The following DNAH14 variants were observed in gnomAD, a reference collection of about 807,000 sequenced individuals.
The protein encoded by DNAH14 is axonemal beta dynein heavy chain 14.
In DNAH14, 478 loss-of-function variants were observed where a neutral mutation model predicts 520.9. That is an observed-to-expected ratio of 0.92 (90% CI 0.85 to 0.99). The LOEUF (loss-of-function observed/expected upper bound fraction) is 0.99, where lower values mean the gene tolerates loss of function less well. DNAH14 is among the 50% of genes least tolerant of loss of function. The pLI, the probability that DNAH14 is intolerant of heterozygous loss-of-function variation, is 0.00. For missense variants in DNAH14, 4,831 were observed against 5,234.5 expected (o/e 0.92, Z 2.38); for synonymous variants, 1,581 against 1,757.2 (o/e 0.90, Z 2.51).
intron 69 of DNAH14, among the ~76,000 whole-genome samples, chr1:225,341,764 C>T (rs923649399): frequency 6.6e-6 from 1 of 152,190 alleles, no homozygotes; most frequent in African/African-American, 2.4e-5. Flanking sequence ...TTTACTGCAT[C>T]TAAACTTAAA....
chr1:225,380,965 GT>G (rs2095773950), intron 80 of DNAH14, among the ~76,000 whole-genome samples: 1 of 152,084 alleles, frequency 6.6e-6, no homozygotes, highest in Non-Finnish European at 1.5e-5. Flanking sequence ...CCCACCATTT[GT>G]TTTTGTACAG....
At position 225,082,747 on chromosome 1, in the gene DNAH14, A is replaced by C; in HGVS notation, c.3327+8A>C. The stretch of plus-strand genomic sequence containing the variant: ...AATCTTCTAGCTCTCAAGGTAAATA[A>C]AAATGGTTTTTTAAAAAAATAGGTT... On this transcript the variant is annotated splice_region_variant and intron_variant, in intron 20 of 85. Transcript: ENST00000682510. 6.5e-7 allele frequency: 1 copy of C among 1,533,500 alleles called. No homozygotes were observed. Among genetic ancestry groups the C allele is most frequent in the East Asian group, 2.5e-5 (1 of 40,680 alleles). 95.0% of individuals were successfully genotyped at this position (1,533,500 alleles called of 1,614,324 possible). A position where few individuals can be genotyped will look rare whatever the true frequency, so the allele number is the denominator to read the frequency against.
intron 1 of DNAH14, among the ~76,000 whole-genome samples, chr1:224,930,722 G>A (rs992706189): frequency 1.3e-5 from 2 of 151,864 alleles, no homozygotes; most frequent in Admixed American, 6.6e-5. Context: ...CTCAGCCTCC[G>A]GAGTAGCTGG....
intron 21 of DNAH14, among the ~76,000 whole-genome samples, chr1:225,093,779 G>A (rs1417229029): frequency 2.0e-5 from 3 of 152,094 alleles, no homozygotes; most frequent in African/African-American, 7.2e-5. Flanking sequence ...AACAACTTCA[G>A]CAAAGTTTCA....
intron 81 of DNAH14, among the ~76,000 whole-genome samples, chr1:225,386,636 C>T (rs2095845098): frequency 6.6e-6 from 1 of 152,214 alleles, no homozygotes; most frequent in African/African-American, 2.4e-5. Context: ...AAAAAATGCT[C>T]ATCATCACTG....
In DNAH14 at chr1:225,159,581, A is replaced by G. The variant is rs16844396; in HGVS notation, c.5445+96A>G. The G allele has an allele frequency of 7.2e-4, 895 of 1,249,958 alleles. 5 individuals carry two copies. The African/African-American group carries it at 0.013, about 18-fold the overall frequency. The allele number at this position is 1,249,958 out of a possible 1,614,324, so 77.4% of individuals were successfully genotyped here. A position where few individuals can be genotyped will look rare whatever the true frequency, so the allele number is the denominator to read the frequency against. ...TTAAAAATATTACAGTTCTTCCTAA[A>G]TTCTTTATTCATGTTATAATTGAGG... On this transcript the variant is annotated intron_variant, in intron 35 of 85. Coordinates refer to ENST00000682510, the MANE Select transcript of DNAH14 (RefSeq NM_001367479.1).
chr1:225,321,942 G>A (rs2094561527), intron 61 of DNAH14, among the ~76,000 whole-genome samples: 1 of 152,040 alleles, frequency 6.6e-6, no homozygotes, highest in Non-Finnish European at 1.5e-5. Context: ...CTTAAGTCAC[G>A]AGAATAGGGC....
chr1:225,381,556 A>G lies in DNAH14; in HGVS notation c.13054A>G (p.Met4352Val). The stretch of plus-strand genomic sequence containing the variant: ...GGAAATATTTAACTCTTTTCTTAAT[A>G]TGAGAGTGCCTACATTGTGGCAGGT... Reference protein sequence around the residue: ...LEEIFNSFLNMRVPTLWQKHA... With the variant: ...LEEIFNSFLNVRVPTLWQKHA... The change falls in exon 81 of 86, where the codon ATG (methionine) becomes GTG (valine). Residue 4352 changes from methionine (M) to valine (V), a missense_variant. By Grantham distance (21) the Met-to-Val change is conservative. Transcript: ENST00000682510. 6.5e-7 allele frequency: 1 copy of G among 1,529,590 alleles called. No homozygotes were observed. The highest frequency in any genetic ancestry group is 8.8e-7 in the Non-Finnish European group (1 of 1,140,396). 94.8% of individuals were successfully genotyped at this position (1,529,590 alleles called of 1,614,324 possible).
intron 38 of DNAH14, among the ~76,000 whole-genome samples, chr1:225,198,252 G>C (rs34248528): frequency 0.16 from 23,332 of 149,816 alleles, 2,111 homozygotes; most frequent in East Asian, 0.37. Context: ...GAGTCTCACT[G>C]TGTTGCCCGG....
At chr1:224,997,303 TC>T (rs1388253777) in intron 8 of DNAH14, among the ~76,000 whole-genome samples, 3 of 150,392 alleles carry the variant, frequency 2.0e-5, no homozygotes, top group Non-Finnish European at 4.4e-5. Context: ...TGTTTTCTAT[TC>T]TATTTTCCCA....
chr1:225,365,525 A>G (rs1007717765), intron 76 of DNAH14, among the ~76,000 whole-genome samples: 4 of 152,138 alleles, frequency 2.6e-5, no homozygotes, highest in Non-Finnish European at 4.4e-5. Context: ...CACTTTCCAG[A>G]TACAGCCCCA....
intron 34 of DNAH14, among the ~76,000 whole-genome samples, chr1:225,154,085 C>G (rs1377014546): frequency 6.6e-6 from 1 of 151,672 alleles, no homozygotes; most frequent in Non-Finnish European, 1.5e-5. Context: ...AAAAAAAGAC[C>G]TCATTTAGAA....
At chr1:225,199,987 G>A (rs955911226) in intron 38 of DNAH14, among the ~76,000 whole-genome samples, 18 of 152,002 alleles carry the variant, frequency 1.2e-4, no homozygotes, top group East Asian at 7.7e-4. Context: ...AGGTCTATTT[G>A]TAATCATTTT....
intron 43 of DNAH14, chr1:225,250,736 G>A (rs1204296138): frequency 5.9e-6 from 3 of 511,526 alleles, no homozygotes; most frequent in Non-Finnish European, 7.2e-6. Flanking sequence ...GTTTCTGCAG[G>A]AAGGAATGGG....
rs2091907490 is a variant in DNAH14, at chr1:225,240,525, T to A, written c.6519-68T>A. ...ATGAAACTTTAACATTATATTAAAGTAAATTTCTATTCTTAAACTGCTTTC... is the reference window on the plus strand; with the variant it reads ...ATGAAACTTTAACATTATATTAAAGAAAATTTCTATTCTTAAACTGCTTTC... On this transcript the variant is annotated intron_variant, in intron 42 of 85. Transcript: ENST00000682510. The A allele has an allele frequency of 4.2e-6, 4 of 945,046 alleles. No individual in the cohort carries two copies. The Admixed American group carries it at 1.1e-4, about 27-fold the overall frequency. The allele number at this position is 945,046 out of a possible 1,614,324, so 58.5% of individuals were successfully genotyped here. A position where few individuals can be genotyped will look rare whatever the true frequency, so the allele number is the denominator to read the frequency against.
In DNAH14 at chr1:225,318,571, T is replaced by G. The variant is rs187595219; in HGVS notation, c.9241-12T>G. 406 of 1,539,574 alleles carry G rather than the reference T, an allele frequency of 2.6e-4. 2 individuals carry two copies. The African/African-American group carries it at 4.8e-3, about 18-fold the overall frequency. On this transcript the variant is annotated splice_polypyrimidine_tract_variant and intron_variant, in intron 60 of 85. Transcript: ENST00000682510. ...ATTCATATGTGTTTGGGGACCTATA[T>G]TTTTATTGCAGAAAACTGCCAATGA...
chr1:225,011,758 C>CTTTTTT (rs200216236), intron 10 of DNAH14, among the ~76,000 whole-genome samples: 7 of 82,154 alleles, frequency 8.5e-5, no homozygotes, highest in African/African-American at 4.2e-4. Context: ...GCAACCTCTG[C>CTTTTTT]TTTTTTTTTT....
Position 224,938,262 on chromosome 1 carries a change from A to G in DNAH14, c.-34+8427A>G, listed in dbSNP as rs377032784. ...AATCAACAGAGTGAATAGACAATCT[A>G]CAGAAAGGGAGAACGTATTTGCAAC... is the stretch of plus-strand genomic sequence containing the variant. On this transcript the variant is annotated intron_variant, in intron 1 of 85. Coordinates refer to ENST00000682510, the MANE Select transcript of DNAH14 (RefSeq NM_001367479.1). 1.8e-4 allele frequency among the ~76,000 whole-genome samples: 28 copies of G among 152,356 alleles called. No homozygotes were observed. In the East Asian group the frequency reaches 5.0e-3, roughly 27 times the overall value.
At chr1:225,164,184 T>A (rs2081818447) in intron 35 of DNAH14, among the ~76,000 whole-genome samples, 1 of 152,152 alleles carries the variant, frequency 6.6e-6, no homozygotes, top group African/African-American at 2.4e-5. Context: ...CAGTTGTTGT[T>A]GTTGTATATA....
Sources: gnomAD v4.1 joint callset for allele counts (sites outside exome capture counted in the v4.1 genomes callset) on GRCh38, gnomAD v4.1.1 for gene constraint, MANE v1.5 for transcripts, NCBI Gene and HGNC (gene_info 2026-07-23, HGNC 2026-07-21) for gene names.